The following GPC3 variants were observed in gnomAD, a reference collection of about 807,000 sequenced individuals.
The protein encoded by GPC3 is glypican-3.
Under a neutral mutation model 34.4 loss-of-function variants are expected in GPC3, and 3 were observed. The observed-to-expected ratio is 0.09, with a 90% CI of 0.04 to 0.23. The LOEUF is 0.23. Ranked by LOEUF, GPC3 falls within the 10% of genes least tolerant of loss-of-function variation. The pLI is 1.00. For synonymous variants in GPC3, 177 were observed against 174.0 expected (o/e 1.02, Z -0.13); for missense variants, 351 against 445.6 (o/e 0.79, Z 1.91).
At chrX:133,849,552 TG>T (rs1311670859) in intron 2 of GPC3, among the ~76,000 whole-genome samples, 1 of 111,586 alleles carries the variant, frequency 9.0e-6, no homozygotes, top group Non-Finnish European at 1.9e-5. Flanking sequence ...TATTTATTTA[TG>T]TTTTTTTGGT....
intron 2 of GPC3, among the ~76,000 whole-genome samples, chrX:133,768,614 C>A (rs2071877313): frequency 9.0e-6 from 1 of 111,523 alleles, no homozygotes; most frequent in African/African-American, 3.3e-5. Flanking sequence ...TAGATAACAA[C>A]CCAAGTGTCC....
intron 7 of GPC3, among the ~76,000 whole-genome samples, chrX:133,568,264 C>T (rs1441092023): frequency 2.7e-5 from 3 of 111,845 alleles, no homozygotes; most frequent in Non-Finnish European, 5.6e-5. Context: ...TGCACATCTC[C>T]ACCACATTCC....
rs2075754520 is a variant in GPC3 at position 133,827,684 on chromosome X, G to A, written c.338-73508C>T. Among the ~76,000 whole-genome samples, 3 of 110,724 alleles carry A rather than the reference G, an allele frequency of 2.7e-5. 1 individual carries two copies. Among genetic ancestry groups the A allele is most frequent in the Middle Eastern group, 8.4e-3 (2 of 238 alleles). ...TGTTGTCCCAGCTACTCAGGAGGCTGAGGCAGGAGAATTGCTTGAACCTGG... is the reference window on the plus strand; with the variant it reads ...TGTTGTCCCAGCTACTCAGGAGGCTAAGGCAGGAGAATTGCTTGAACCTGG... On this transcript the variant is annotated intron_variant, in intron 2 of 7. Transcript: ENST00000370818.
intron 5 of GPC3, among the ~76,000 whole-genome samples, chrX:133,682,254 C>T (rs2070951969): frequency 9.0e-6 from 1 of 111,243 alleles, no homozygotes; most frequent in African/African-American, 3.3e-5. Flanking sequence ...TTGGAAACCC[C>T]ATTTAAAGCC....
chrX:133,599,771 A>G (rs746619957), intron 6 of GPC3, among the ~76,000 whole-genome samples: 2 of 112,024 alleles, frequency 1.8e-5, no homozygotes, highest in South Asian at 7.6e-4. Flanking sequence ...TTTTCACATA[A>G]GTAGAATTAT....
At chrX:133,901,221 G>A (rs1238306444) in intron 2 of GPC3, among the ~76,000 whole-genome samples, 1 of 110,752 alleles carries the variant, frequency 9.0e-6, no homozygotes, top group Non-Finnish European at 1.9e-5. Flanking sequence ...TTTGCAAGAG[G>A]GTAGACCAAA....
intron 2 of GPC3, among the ~76,000 whole-genome samples, chrX:133,785,467 T>G (rs1257757191): frequency 8.9e-6 from 1 of 111,892 alleles, no homozygotes; most frequent in African/African-American, 3.3e-5. Flanking sequence ...TTTTGAGGAC[T>G]AAATGAGAGA....
intron 2 of GPC3, among the ~76,000 whole-genome samples, chrX:133,797,767 T>G (rs1469438186): frequency 9.0e-6 from 1 of 110,554 alleles, no homozygotes; most frequent in Non-Finnish European, 1.9e-5. Flanking sequence ...GAGGCGAAAG[T>G]TGCAGTGAGC....
intron 2 of GPC3, among the ~76,000 whole-genome samples, chrX:133,834,347 A>G (rs1011774770): frequency 2.7e-5 from 3 of 111,831 alleles, no homozygotes; most frequent in African/African-American, 9.7e-5. Flanking sequence ...AAGCAGATTC[A>G]CGTAAGGTGC....
chrX:133,843,532 C>T (rs953274562), intron 2 of GPC3, among the ~76,000 whole-genome samples: 4 of 111,429 alleles, frequency 3.6e-5, no homozygotes, highest in African/African-American at 1.3e-4. Context: ...CCAATCAAAC[C>T]TCTTTTCTTT....
intron 2 of GPC3, among the ~76,000 whole-genome samples, chrX:133,830,799 A>C (rs1603255660): frequency 9.1e-6 from 1 of 110,096 alleles, no homozygotes; most frequent in African/African-American, 3.3e-5. Context: ...ACAATCCATA[A>C]CAACACTTAT....
chrX:133,584,814 A>T (rs894609208), intron 7 of GPC3, among the ~76,000 whole-genome samples: 1 of 110,050 alleles, frequency 9.1e-6, no homozygotes, highest in Admixed American at 9.8e-5. Context: ...TAATTATATT[A>T]CTGCTTCAGT....
chrX:133,868,278 C>A (rs1324924130), intron 2 of GPC3, among the ~76,000 whole-genome samples: 3 of 112,175 alleles, frequency 2.7e-5, no homozygotes, highest in South Asian at 7.4e-4. Flanking sequence ...TGTCTGCATG[C>A]TCCCCCTCCT....
intron 7 of GPC3, among the ~76,000 whole-genome samples, chrX:133,544,303 C>T (rs900029159): frequency 9.0e-6 from 1 of 111,696 alleles, no homozygotes; most frequent in African/African-American, 3.3e-5. Context: ...AACTACCACG[C>T]TGGACCTTCT....
chrX:133,752,634 G>A (rs1033690670), intron 3 of GPC3, among the ~76,000 whole-genome samples: 2 of 111,541 alleles, frequency 1.8e-5, no homozygotes, highest in African/African-American at 3.3e-5. Context: ...GGTATCTCCC[G>A]AGATTCCGTT....
At chrX:133,751,940 G>A (rs1294475858) in intron 3 of GPC3, among the ~76,000 whole-genome samples, 2 of 111,408 alleles carry the variant, frequency 1.8e-5, no homozygotes, top group African/African-American at 6.5e-5. Context: ...CCAGGCTGGG[G>A]TGCAGTCACG....
chrX:133,852,541 A>C (rs1179513319), intron 2 of GPC3, among the ~76,000 whole-genome samples: 2 of 112,006 alleles, frequency 1.8e-5, no homozygotes, highest in African/African-American at 3.2e-5. Context: ...AAAGCAACTA[A>C]TCACTTCTAA....
rs141991377 is a variant in GPC3, at chrX:133,745,209, G to T, written c.1032+8273C>A. Among the ~76,000 whole-genome samples the T allele has an allele frequency of 5.0e-3, 559 of 111,773 alleles. 6 individuals are homozygous for T. Among genetic ancestry groups the T allele is most frequent in the Middle Eastern group, 0.038 (8 of 213 alleles). Reference sequence around the variant, plus strand: ...CTCACTGTTGTCTCAGGACCACAGGGGTACTCAGAATATCAGGCCATGGTG... The same window carrying T: ...CTCACTGTTGTCTCAGGACCACAGGTGTACTCAGAATATCAGGCCATGGTG... On this transcript the variant is annotated intron_variant, in intron 3 of 7. Coordinates refer to ENST00000370818, the MANE Select transcript of GPC3 (RefSeq NM_004484.4).
chrX:133,605,170 C>T (rs1395681737), intron 6 of GPC3, among the ~76,000 whole-genome samples: 5 of 100,765 alleles, frequency 5.0e-5, no homozygotes, highest in African/African-American at 8.3e-5. Context: ...GCACTTCACA[C>T]GTGGGGGGGG....
Sources: gnomAD v4.1 joint callset for allele counts (sites outside exome capture counted in the v4.1 genomes callset) on GRCh38, gnomAD v4.1.1 for gene constraint, MANE v1.5 for transcripts, NCBI Gene and HGNC (gene_info 2026-07-23, HGNC 2026-07-21) for gene names.